NELL1: variants seen among roughly 807,000 people sequenced by gnomAD.
NELL1 encodes the protein neural EGFL like 1.
Under a neutral mutation model 107.4 loss-of-function variants are expected in NELL1, and 76 were observed. The ratio of observed to expected loss-of-function variants is 0.71; its 90% CI spans 0.59 to 0.86. The LOEUF is 0.86. NELL1 is among the 40% of genes least tolerant of loss of function. NELL1 has a pLI of 0.00. For missense variants in NELL1, 1,024 were observed against 1,005.5 expected (o/e 1.02, Z -0.25); for synonymous variants, 353 against 341.2 (o/e 1.03, Z -0.38).
intron 15 of NELL1, among the ~76,000 whole-genome samples, chr11:21,409,513 A>G (rs1483410389): frequency 1.3e-5 from 2 of 152,050 alleles, no homozygotes; most frequent in Admixed American, 1.3e-4. Context: ...GCACACCAGT[A>G]TGGCACATGT....
At chr11:21,278,412 C>A (rs79728470) in intron 14 of NELL1, among the ~76,000 whole-genome samples, 4,147 of 151,910 alleles carry the variant, frequency 0.027, 77 homozygotes, top group East Asian at 0.068. Context: ...TTAAAAAATC[C>A]CTTCTGAAAC....
At chr11:21,464,912 A>G (rs765675078) in intron 15 of NELL1, among the ~76,000 whole-genome samples, 1 of 152,150 alleles carries the variant, frequency 6.6e-6, no homozygotes, top group African/African-American at 2.4e-5. Flanking sequence ...TGGCCTTCAC[A>G]GTCATTTTCT....
intron 12 of NELL1, among the ~76,000 whole-genome samples, chr11:21,075,817 C>A (rs1460524449): frequency 6.6e-6 from 1 of 152,120 alleles, no homozygotes; most frequent in Non-Finnish European, 1.5e-5. Flanking sequence ...AAATTTCCAG[C>A]AATTTTCTCC....
intron 4 of NELL1, among the ~76,000 whole-genome samples, chr11:20,871,773 A>G (rs1849202959): frequency 6.6e-6 from 1 of 151,902 alleles, no homozygotes; most frequent in Non-Finnish European, 1.5e-5. Flanking sequence ...TAATCCCAGC[A>G]CTTTGGGAGG....
At chr11:21,361,330 G>A (rs1026031943) in intron 14 of NELL1, among the ~76,000 whole-genome samples, 1 of 133,414 alleles carries the variant, frequency 7.5e-6, no homozygotes, top group African/African-American at 2.9e-5. Context: ...CTTCTTGCTT[G>A]TAAGGTTTCT....
intron 12 of NELL1, among the ~76,000 whole-genome samples, chr11:21,074,744 T>G (rs1854095197): frequency 6.6e-6 from 1 of 152,056 alleles, no homozygotes; most frequent in South Asian, 2.1e-4. Context: ...ATACAGCAAC[T>G]TTTTTTAAAA....
intron 12 of NELL1, among the ~76,000 whole-genome samples, chr11:20,964,792 G>A (rs1186436411): frequency 2.6e-5 from 4 of 152,178 alleles, no homozygotes; most frequent in African/African-American, 9.7e-5. Context: ...AGGAGCTTTT[G>A]CAGAATTCCA....
intron 12 of NELL1, among the ~76,000 whole-genome samples, chr11:21,021,815 A>G (rs939977283): frequency 1.3e-5 from 2 of 152,120 alleles, no homozygotes; most frequent in African/African-American, 4.8e-5. Flanking sequence ...CTGACCCTCA[A>G]TTAAACTGTG....
intron 13 of NELL1, 43 bp from the exon 14 acceptor site, chr11:21,229,289 C>G (rs754082947): frequency 6.2e-6 from 10 of 1,609,640 alleles, no homozygotes; most frequent in Non-Finnish European, 8.5e-6. Flanking sequence ...GTAATTCCAA[C>G]TTAAGAAAAA....
At chr11:21,231,431 G>C (rs1365705678) in intron 14 of NELL1, among the ~76,000 whole-genome samples, 3 of 152,112 alleles carry the variant, frequency 2.0e-5, no homozygotes, top group Non-Finnish European at 2.9e-5. Context: ...CTAGTGCTCA[G>C]CTTTTTTAAA....
intron 1 of NELL1, among the ~76,000 whole-genome samples, chr11:20,673,395 T>C (rs1277046666): frequency 1.4e-5 from 2 of 138,648 alleles, no homozygotes; most frequent in Non-Finnish European, 3.1e-5. Flanking sequence ...TTAAATGAGC[T>C]CTTGGAGCAT....
chr11:20,967,653 G>C (rs72939234), intron 12 of NELL1, among the ~76,000 whole-genome samples: 16,659 of 152,090 alleles, frequency 0.11, 1,181 homozygotes, highest in East Asian at 0.25. Context: ...CTCATGTCTT[G>C]CTGTCTTCAC....
rs543116748 is a variant in NELL1 at position 20,947,450 on chromosome 11, T to C, written c.1171+15T>C. The C allele has an allele frequency of 6.2e-5, 99 of 1,594,434 alleles. 1 individual carries two copies. In the South Asian group the frequency reaches 8.1e-4, roughly 13 times the overall value. On this transcript the variant is annotated intron_variant, in intron 11 of 19. Coordinates refer to ENST00000357134, the MANE Select transcript of NELL1 (RefSeq NM_006157.5). Reference sequence around the variant, plus strand: ...TGTCTGTAGAGGTAAGTGGGCTTGGTGGTGGGCCATGCGTGGGGTGAGGCT... The same window carrying C: ...TGTCTGTAGAGGTAAGTGGGCTTGGCGGTGGGCCATGCGTGGGGTGAGGCT...
At chr11:20,691,897 A>G (rs1385976447) in intron 2 of NELL1, among the ~76,000 whole-genome samples, 1 of 152,112 alleles carries the variant, frequency 6.6e-6, no homozygotes, top group Non-Finnish European at 1.5e-5. Context: ...GAATTCGGCC[A>G]TGAATCCATC....
chr11:20,872,074 G>T (rs1849211059), intron 4 of NELL1, among the ~76,000 whole-genome samples: 1 of 147,314 alleles, frequency 6.8e-6, no homozygotes, highest in African/African-American at 2.5e-5. Context: ...TCATAGGCTT[G>T]CTTGGAGCTA....
chr11:21,124,631 C>T (rs1007176909), intron 13 of NELL1, among the ~76,000 whole-genome samples: 5 of 143,998 alleles, frequency 3.5e-5, no homozygotes, highest in Non-Finnish European at 7.5e-5. Context: ...AGACAGATTT[C>T]GCTCTTGATG....
At chr11:20,968,354 A>AG (rs1173830522) in intron 12 of NELL1, among the ~76,000 whole-genome samples, 13 of 138,728 alleles carry the variant, frequency 9.4e-5, no homozygotes, top group African/African-American at 3.3e-4. Flanking sequence ...GCTTAAAGAA[A>AG]GAAAGGAAGG....
chr11:21,575,432 C>T lies in NELL1; in HGVS notation c.*410C>T. The T allele has an allele frequency of 5.9e-6, 1 of 170,290 alleles. No homozygotes were observed. The highest frequency in any genetic ancestry group is 1.5e-4 in the South Asian group (1 of 6,692). The allele number at this position is 170,290 out of a possible 1,614,324, so 10.5% of individuals were successfully genotyped here. On this transcript the variant is annotated 3_prime_UTR_variant, in exon 20 of 20. Coordinates refer to ENST00000357134, the MANE Select transcript of NELL1 (RefSeq NM_006157.5). ...ATTTTGTTGATTTATGGATCAAATT[C>T]TAAAATAAAGTTGCCTGTTGTGACT...
chr11:20,976,699 T>C (rs1851643135), intron 12 of NELL1, among the ~76,000 whole-genome samples: 1 of 152,192 alleles, frequency 6.6e-6, no homozygotes, highest in African/African-American at 2.4e-5. Flanking sequence ...TGAAACTTAA[T>C]ATCATTCCAT....
Sources: gnomAD v4.1 joint callset for allele counts (sites outside exome capture counted in the v4.1 genomes callset) on GRCh38, gnomAD v4.1.1 for gene constraint, MANE v1.5 for transcripts, NCBI Gene and HGNC (gene_info 2026-07-23, HGNC 2026-07-21) for gene names.